TSEN2: variants seen among roughly 807,000 people sequenced by gnomAD.
TSEN2 encodes the protein tRNA-splicing endonuclease subunit Sen2.
TSEN2 carries 54 observed loss-of-function variants against 59.2 expected under a neutral mutation model. The ratio of observed to expected loss-of-function variants is 0.91; its 90% CI spans 0.73 to 1.14. TSEN2 has a LOEUF of 1.14. TSEN2 is among the 50% of genes most tolerant of loss of function. The pLI, the probability that TSEN2 is intolerant of heterozygous loss-of-function variation, is 0.00. For synonymous variants in TSEN2, 195 were observed against 198.2 expected (o/e 0.98, Z 0.14); for missense variants, 636 against 576.2 (o/e 1.10, Z -1.06).
intron 6 of TSEN2, among the ~76,000 whole-genome samples, chr3:12,516,009 A>G (rs2056034454): frequency 6.6e-6 from 1 of 152,190 alleles, no homozygotes; most frequent in South Asian, 2.1e-4. Context: ...TTTAGGGAAT[A>G]AATATGGAAA....
At chr3:12,508,502 G>A (rs1422936761) in intron 6 of TSEN2, among the ~76,000 whole-genome samples, 2 of 152,176 alleles carry the variant, frequency 1.3e-5, no homozygotes, top group East Asian at 3.9e-4. Flanking sequence ...CAGGAACACA[G>A]GCAGAATGGG....
downstream of TSEN2, among the ~76,000 whole-genome samples, chr3:12,534,703 CT>C (rs2057628276): frequency 6.6e-6 from 1 of 151,596 alleles, no homozygotes. Context: ...ACTCAGGAGG[CT>C]GACGCAGGAG....
chr3:12,535,366 A>G (rs1054978566), downstream of TSEN2, among the ~76,000 whole-genome samples: 2 of 152,234 alleles, frequency 1.3e-5, no homozygotes. Context: ...TGTGAAATAT[A>G]GGGATGCCTT....
chr3:12,487,836 C>T (rs2052779373), intron 1 of TSEN2, among the ~76,000 whole-genome samples: 1 of 152,214 alleles, frequency 6.6e-6, no homozygotes, highest in Admixed American at 6.5e-5. Flanking sequence ...AAACACTATA[C>T]AGCAAGATGC....
chr3:12,501,694 G>T (rs907599812), intron 4 of TSEN2, among the ~76,000 whole-genome samples: 1 of 151,886 alleles, frequency 6.6e-6, no homozygotes, highest in African/African-American at 2.4e-5. Flanking sequence ...ATGTGCTGCC[G>T]CATCGAGCAC....
At chr3:12,496,589 G>C in intron 4 of TSEN2, 35 bp downstream of exon 4, 1 of 1,611,354 alleles carries the variant, frequency 6.2e-7, no homozygotes, top group Middle Eastern at 1.7e-4. Context: ...CTGTCAAAAT[G>C]ATGGTTTAAG....
intron 6 of TSEN2, chr3:12,505,586 C>A: frequency 4.1e-6 from 1 of 243,598 alleles, no homozygotes; most frequent in Non-Finnish European, 8.2e-6. Context: ...GTCAGGAGTT[C>A]GAGACCAGCC....
At chr3:12,534,946 G>T (rs1450717768), downstream of TSEN2, among the ~76,000 whole-genome samples, 2 of 152,036 alleles carry the variant, frequency 1.3e-5, no homozygotes, top group African/African-American at 4.8e-5. Context: ...ACTCCAGCCT[G>T]GGGGCAGAGT....
chr3:12,521,204 A>G (rs1021105635), intron 8 of TSEN2, among the ~76,000 whole-genome samples: 2 of 152,176 alleles, frequency 1.3e-5, no homozygotes, highest in Non-Finnish European at 2.9e-5. Context: ...CTCATTCAGC[A>G]GATAATGACT....
chr3:12,531,490 C>A, intron 10 of TSEN2, 80 bp from the exon 11 acceptor site: 1 of 869,394 alleles, frequency 1.2e-6, no homozygotes. Context: ...GACTGGAGAC[C>A]ACCTGCATTT....
chr3:12,506,374 A>G (rs2054836032), intron 6 of TSEN2, among the ~76,000 whole-genome samples: 1 of 150,668 alleles, frequency 6.6e-6, no homozygotes, highest in East Asian at 2.0e-4. Context: ...GCAGGCAGAT[A>G]GCTTGAGCCC....
At position 12,520,351 on chromosome 3, in the gene TSEN2, G is replaced by A. The variant is rs144131053; in HGVS notation, c.1099+1154G>A. On this transcript the variant is annotated intron_variant, in intron 8 of 11. Transcript: ENST00000284995. ...TACAGTTTAGAAAAAGTAGGTCATTGCCCATAATAGTTTCCAGGGCCAGTA... is the reference window on the plus strand; with the variant it reads ...TACAGTTTAGAAAAAGTAGGTCATTACCCATAATAGTTTCCAGGGCCAGTA... Among the ~76,000 whole-genome samples the A allele has an allele frequency of 3.1e-3, 478 of 152,224 alleles. 1 individual carries two copies. Among genetic ancestry groups the A allele is most frequent in the African/African-American group, 0.011 (438 of 41,536 alleles).
intron 1 of TSEN2, among the ~76,000 whole-genome samples, chr3:12,488,199 G>T (rs1341777961): frequency 6.6e-6 from 1 of 152,266 alleles, no homozygotes; most frequent in African/African-American, 2.4e-5. Flanking sequence ...ACTGTTTCAG[G>T]CTTGATGGCA....
Position 12,533,437 on chromosome 3 carries a change from C to T in TSEN2, c.*716C>T, listed in dbSNP as rs975920203. The T allele has an allele frequency of 6.6e-6, 1 of 152,598 alleles. No homozygotes were observed. Among genetic ancestry groups the T allele is most frequent in the African/African-American group, 2.4e-5 (1 of 41,376 alleles). The allele number at this position is 152,598 out of a possible 1,614,324, so 9.5% of individuals were successfully genotyped here. Reference sequence around the variant, plus strand: ...TGGGAGGCCTTGGGAGGCCAAGGCGCATGGATCGCTTGAGCCCAGGAGTTG... The same window carrying T: ...TGGGAGGCCTTGGGAGGCCAAGGCGTATGGATCGCTTGAGCCCAGGAGTTG... On this transcript the variant is annotated 3_prime_UTR_variant, in exon 12 of 12. Coordinates refer to ENST00000284995, the MANE Select transcript of TSEN2 (RefSeq NM_025265.4).
At chr3:12,527,049 G>C (rs2125228347) in intron 8 of TSEN2, among the ~76,000 whole-genome samples, 1 of 152,320 alleles carries the variant, frequency 6.6e-6, no homozygotes, top group African/African-American at 2.4e-5. Context: ...GCAAAGATTG[G>C]GCAGGGAACA....
intron 1 of TSEN2, among the ~76,000 whole-genome samples, chr3:12,485,739 C>G (rs1178171897): frequency 6.6e-6 from 1 of 152,150 alleles, no homozygotes; most frequent in Admixed American, 6.5e-5. Context: ...TTCTAAATAA[C>G]CTGCAGTGAC....
intron 2 of TSEN2, 129 bp from the exon 3 acceptor site, chr3:12,492,007 G>A (rs191121187): frequency 4.4e-5 from 33 of 744,306 alleles, no homozygotes; most frequent in Non-Finnish European, 6.2e-5. Flanking sequence ...ACCATCTGCC[G>A]ATTTTGGTAT....
chr3:12,515,344 C>A (rs1180748275), intron 6 of TSEN2, among the ~76,000 whole-genome samples: 1 of 152,162 alleles, frequency 6.6e-6, no homozygotes, highest in Non-Finnish European at 1.5e-5. Context: ...AAGCTTATGA[C>A]AGGGAGGGGA....
At chr3:12,506,662 G>A (rs2054873254) in intron 6 of TSEN2, 1 of 983,716 alleles carries the variant, frequency 1.0e-6, no homozygotes. Context: ...CCTCTAACCT[G>A]TGGTCACTTT....
Sources: allele counts gnomAD v4.1 joint callset (sites outside exome capture counted in the v4.1 genomes callset), GRCh38; gene constraint gnomAD v4.1.1; transcripts MANE v1.5; gene names NCBI Gene and HGNC (gene_info 2026-07-23, HGNC 2026-07-21).